XKR9: variants seen among roughly 807,000 people sequenced by gnomAD.
The protein encoded by XKR9 is XK related 9.
Under a neutral mutation model 32.0 loss-of-function variants are expected in XKR9, and 32 were observed. The ratio of observed to expected loss-of-function variants is 1.00; its 90% CI spans 0.76 to 1.34. The LOEUF is 1.34. XKR9 is among the 40% of genes most tolerant of loss of function. The pLI, the probability that XKR9 is intolerant of heterozygous loss-of-function variation, is 0.00. For missense variants in XKR9, 546 were observed against 429.7 expected (o/e 1.27, Z -2.39); for synonymous variants, 168 against 143.4 (o/e 1.17, Z -1.22).
At chr8:70,860,188 G>C in the XKR9 span, among the ~76,000 whole-genome samples, 1 of 152,104 alleles carries the variant, frequency 6.6e-6, no homozygotes, top group Non-Finnish European at 1.5e-5. Flanking sequence ...CAAAATTCAT[G>C]TGTTGAAACC....
chr8:70,866,129 A>G, the XKR9 span, among the ~76,000 whole-genome samples: 3 of 152,328 alleles, frequency 2.0e-5, no homozygotes, highest in East Asian at 3.9e-4. Context: ...GATGCTTTGC[A>G]TGTATTAATA....
At chr8:70,859,515 G>A in the XKR9 span, among the ~76,000 whole-genome samples, 1 of 152,022 alleles carries the variant, frequency 6.6e-6, no homozygotes, top group Non-Finnish European at 1.5e-5. Flanking sequence ...AAGGAAAGAA[G>A]ATCATTATAT....
intron 2 of XKR9, among the ~76,000 whole-genome samples, chr8:70,747,023 G>A (rs1213926900): frequency 6.6e-6 from 1 of 152,092 alleles, no homozygotes; most frequent in Non-Finnish European, 1.5e-5. Flanking sequence ...GTGGTTTTCT[G>A]TTTCTGTGTT....
the XKR9 span, among the ~76,000 whole-genome samples, chr8:70,959,555 G>T: frequency 1.3e-5 from 2 of 152,114 alleles, no homozygotes; most frequent in Non-Finnish European, 2.9e-5. Flanking sequence ...GAGAATTTTC[G>T]TAAGTGTATT....
chr8:70,901,987 C>T, the XKR9 span, among the ~76,000 whole-genome samples: 2 of 152,162 alleles, frequency 1.3e-5, no homozygotes, highest in Admixed American at 6.5e-5. Context: ...GGTATTATTT[C>T]TGAGGTCTCC....
chr8:70,969,947 A>T, the XKR9 span, among the ~76,000 whole-genome samples: 1 of 152,114 alleles, frequency 6.6e-6, no homozygotes, highest in Non-Finnish European at 1.5e-5. Flanking sequence ...TTTCATCTTT[A>T]TGCCTGAGTC....
chr8:70,951,946 A>C, the XKR9 span, among the ~76,000 whole-genome samples: 1 of 152,084 alleles, frequency 6.6e-6, no homozygotes, highest in African/African-American at 2.4e-5. Context: ...AACCTCCTGA[A>C]GGAAGAGAAC....
At chr8:70,998,673 T>A in the XKR9 span, among the ~76,000 whole-genome samples, 1 of 152,178 alleles carries the variant, frequency 6.6e-6, no homozygotes, top group Admixed American at 6.5e-5. Context: ...CAATACAGAT[T>A]CCTAAACTCC....
chr8:70,864,203 A>T, the XKR9 span, among the ~76,000 whole-genome samples: 5 of 152,296 alleles, frequency 3.3e-5, no homozygotes, highest in East Asian at 3.9e-4. Context: ...AATAATTTTT[A>T]AAAAATGTAA....
chr8:71,043,224 T>G, the XKR9 span, among the ~76,000 whole-genome samples: 3 of 152,100 alleles, frequency 2.0e-5, no homozygotes, highest in Non-Finnish European at 4.4e-5. Context: ...TCACAAGAAA[T>G]AGTGTAGAAT....
At chr8:70,789,711 A>G (rs978406413) in intron 3 of XKR9, among the ~76,000 whole-genome samples, 3 of 145,434 alleles carry the variant, frequency 2.1e-5, no homozygotes, top group Admixed American at 6.9e-5. Context: ...TTCATGACCT[A>G]TAGTTTTTTT....
chr8:71,029,082 G>A, the XKR9 span, among the ~76,000 whole-genome samples: 2 of 152,078 alleles, frequency 1.3e-5, no homozygotes, highest in Non-Finnish European at 2.9e-5. Context: ...AGGACCCCAC[G>A]TGAGCTGTTC....
the XKR9 span, among the ~76,000 whole-genome samples, chr8:70,798,047 A>G: frequency 1.3e-5 from 2 of 152,166 alleles, no homozygotes; most frequent in East Asian, 1.9e-4. Context: ...AGAATGATTT[A>G]TATTCCTTTG....
the XKR9 span, among the ~76,000 whole-genome samples, chr8:70,892,410 T>C: frequency 9.2e-5 from 14 of 152,182 alleles, no homozygotes; most frequent in Non-Finnish European, 1.3e-4. Flanking sequence ...CTTTTTTCCT[T>C]TGTGTAACTG....
the XKR9 span, among the ~76,000 whole-genome samples, chr8:70,956,746 G>T: frequency 2.6e-5 from 4 of 152,316 alleles, no homozygotes; most frequent in Middle Eastern, 0.01. Flanking sequence ...TACCCGGCCA[G>T]GTTATGACAG....
At chr8:70,928,045 CGT>C in the XKR9 span, among the ~76,000 whole-genome samples, 9 of 152,056 alleles carry the variant, frequency 5.9e-5, no homozygotes, top group Non-Finnish European at 1.3e-4. Flanking sequence ...AATCTAATTT[CGT>C]GTGTGTGTGT....
chr8:70,690,313 A>C lies in XKR9; in HGVS notation c.272+8983A>C, dbSNP rs751234535. The stretch of plus-strand genomic sequence containing the variant: ...GTCTGTTGTTTCCTTCTTTGTGTTC[A>C]TAAGTTCTTACAATTTAGCTCCCAC... On this transcript the variant is annotated intron_variant, in intron 3 of 4. Coordinates refer to ENST00000408926, the MANE Select transcript of XKR9 (RefSeq NM_001011720.2). 2.6e-5 allele frequency among the ~76,000 whole-genome samples: 4 copies of C among 152,064 alleles called. No individual in the cohort carries two copies. In the South Asian group the frequency reaches 8.3e-4, roughly 32 times the overall value.
the XKR9 span, among the ~76,000 whole-genome samples, chr8:70,864,778 C>A: frequency 6.6e-6 from 1 of 152,230 alleles, no homozygotes; most frequent in East Asian, 1.9e-4. Flanking sequence ...GGGGTAATCT[C>A]CTGGATAATT....
At chr8:71,035,090 T>C in the XKR9 span, among the ~76,000 whole-genome samples, 1 of 152,338 alleles carries the variant, frequency 6.6e-6, no homozygotes, top group East Asian at 1.9e-4. Context: ...GGGAGTGGAA[T>C]TGCTGAGTCA....
Sources: gnomAD v4.1 joint callset for allele counts (sites outside exome capture counted in the v4.1 genomes callset) on GRCh38, gnomAD v4.1.1 for gene constraint, MANE v1.5 for transcripts, NCBI Gene and HGNC (gene_info 2026-07-23, HGNC 2026-07-21) for gene names.